SIPA1L2: variants seen among roughly 807,000 people sequenced by gnomAD.
The protein encoded by SIPA1L2 is signal induced proliferation associated 1 like 2.
In SIPA1L2, 56 loss-of-function variants were observed where a neutral mutation model predicts 163.9. That is an observed-to-expected ratio of 0.34 (90% confidence interval 0.28 to 0.43). The LOEUF is 0.43. Ranked by LOEUF, SIPA1L2 falls within the 20% of genes least tolerant of loss-of-function variation. SIPA1L2 has a pLI of 1.00. For missense variants in SIPA1L2, 1,974 were observed against 2,193.5 expected, an observed-to-expected ratio of 0.90 and a Z score of 2.00; for synonymous variants, 877 against 865.7, an observed-to-expected ratio of 1.01 and a Z score of -0.23.
At chr1:232,470,352 G>T (rs1664740455) in intron 8 of SIPA1L2, among the ~76,000 whole-genome samples, 1 of 152,202 alleles carries the variant, frequency 6.6e-6, no homozygotes, top group South Asian at 2.1e-4. Context: ...CTAGGGCTAT[G>T]TTTAATAAGG....
At chr1:232,497,122 A>T (rs1666234767) in intron 3 of SIPA1L2, among the ~76,000 whole-genome samples, 1 of 152,234 alleles carries the variant, frequency 6.6e-6, no homozygotes. Context: ...AGCAGGTGCC[A>T]CAAGGACAGA....
chr1:232,560,665 A>G (rs1236733351), intron 2 of SIPA1L2, among the ~76,000 whole-genome samples: 1 of 151,838 alleles, frequency 6.6e-6, no homozygotes, highest in Admixed American at 6.6e-5. Flanking sequence ...ATGAGCCTCA[A>G]TGGCCAGACC....
intron 15 of SIPA1L2, among the ~76,000 whole-genome samples, chr1:232,437,918 A>G (rs1450590058): frequency 6.6e-6 from 1 of 152,076 alleles, no homozygotes; most frequent in African/African-American, 2.4e-5. Flanking sequence ...GGTCATGTGG[A>G]GTGGGAAGAT....
chr1:232,538,608 A>G (rs1231825189), intron 2 of SIPA1L2, among the ~76,000 whole-genome samples: 1 of 152,216 alleles, frequency 6.6e-6, no homozygotes, highest in Admixed American at 6.5e-5. Context: ...GAGAAGTGGT[A>G]CAGAGAATGC....
intron 1 of SIPA1L2, among the ~76,000 whole-genome samples, chr1:232,611,979 C>A (rs1223170202): frequency 6.6e-6 from 1 of 152,160 alleles, no homozygotes; most frequent in Admixed American, 6.5e-5. Flanking sequence ...GTTCCTGTGC[C>A]GTGTGCAGCT....
At chr1:232,425,984 C>G (rs1661876630) in intron 17 of SIPA1L2, among the ~76,000 whole-genome samples, 176 bp from the exon 18 acceptor site, 1 of 152,124 alleles carries the variant, frequency 6.6e-6, no homozygotes, top group African/African-American at 2.4e-5. Flanking sequence ...TACACCAGGG[C>G]TTGGGTGCAG....
chr1:232,429,642 T>C (rs895931875), intron 16 of SIPA1L2, among the ~76,000 whole-genome samples: 3 of 151,732 alleles, frequency 2.0e-5, no homozygotes, highest in African/African-American at 2.4e-5. Flanking sequence ...TCATAACTTT[T>C]AAAACATTAC....
intron 10 of SIPA1L2, among the ~76,000 whole-genome samples, chr1:232,453,777 G>C (rs903336080): frequency 1.5e-5 from 2 of 133,182 alleles, no homozygotes; most frequent in Non-Finnish European, 3.2e-5. Flanking sequence ...AACCATCCAA[G>C]AACAGTTACT....
At chr1:232,419,317 C>T (rs565496238) in intron 18 of SIPA1L2, among the ~76,000 whole-genome samples, 1 of 152,324 alleles carries the variant, frequency 6.6e-6, no homozygotes, top group East Asian at 1.9e-4. Context: ...AAAACACATA[C>T]ATTTTCTTTT....
intron 2 of SIPA1L2, among the ~76,000 whole-genome samples, chr1:232,540,446 T>C (rs1264943229): frequency 2.6e-5 from 4 of 152,166 alleles, no homozygotes; most frequent in Admixed American, 2.0e-4. Context: ...CAAACCTTCA[T>C]TGGTTTCGAT....
At chr1:232,416,203 C>G (rs1207988295) in intron 18 of SIPA1L2, among the ~76,000 whole-genome samples, 1 of 152,240 alleles carries the variant, frequency 6.6e-6, no homozygotes, top group African/African-American at 2.4e-5. Flanking sequence ...CCCAGTGAGT[C>G]AGTCAGCACA....
chr1:232,426,587 G>C (rs1017361142), intron 17 of SIPA1L2, among the ~76,000 whole-genome samples: 15 of 152,198 alleles, frequency 9.9e-5, no homozygotes, highest in Non-Finnish European at 2.2e-4. Context: ...ATGAACCTGG[G>C]AGGCGGAGCT....
At position 232,480,591 on chromosome 1, in the gene SIPA1L2, T is replaced by C. The variant is rs1049778379; in HGVS notation, c.1982-861A>G. 2.6e-5 allele frequency among the ~76,000 whole-genome samples: 4 copies of C among 152,174 alleles called. No homozygotes were observed. The South Asian group carries it at 6.2e-4, about 24-fold the overall frequency. ...ACCTGCTGACTATAAAATAGTTAAG[T>C]AATTTTGGAGTAAAGTTCTGAATGA... On this transcript the variant is annotated intron_variant, in intron 6 of 22. Coordinates refer to ENST00000674635, the MANE Select transcript of SIPA1L2 (RefSeq NM_020808.5).
intron 17 of SIPA1L2, among the ~76,000 whole-genome samples, chr1:232,427,757 C>A (rs1469908821): frequency 6.6e-6 from 1 of 152,192 alleles, no homozygotes. Context: ...TGCCACTGAA[C>A]TTGGGGTTGG....
chr1:232,613,263 G>T (rs1426326277), intron 1 of SIPA1L2, among the ~76,000 whole-genome samples: 1 of 152,174 alleles, frequency 6.6e-6, no homozygotes, highest in Admixed American at 6.5e-5. Flanking sequence ...ATTTTGAGTA[G>T]GTGGAAAAGT....
At chr1:232,522,493 A>G (rs1454419430) in intron 2 of SIPA1L2, among the ~76,000 whole-genome samples, 1 of 103,300 alleles carries the variant, frequency 9.7e-6, no homozygotes, top group Non-Finnish European at 1.9e-5. Context: ...CCCCCATAGC[A>G]TTGTGCCTTT....
intron 2 of SIPA1L2, among the ~76,000 whole-genome samples, chr1:232,572,624 T>A (rs1659793756): frequency 6.7e-6 from 1 of 150,198 alleles, no homozygotes; most frequent in Non-Finnish European, 1.5e-5. Context: ...CCTCCTCCAG[T>A]GGTATTCTGT....
chr1:232,521,294 G>C (rs767448544), intron 2 of SIPA1L2, among the ~76,000 whole-genome samples: 1 of 152,206 alleles, frequency 6.6e-6, no homozygotes, highest in Non-Finnish European at 1.5e-5. Flanking sequence ...GTGCTATTTG[G>C]AGGAATTTCT....
chr1:232,474,983 C>A (rs183553814), intron 7 of SIPA1L2, among the ~76,000 whole-genome samples: 1 of 152,188 alleles, frequency 6.6e-6, no homozygotes, highest in East Asian at 1.9e-4. Context: ...GCAGGCTGTA[C>A]AACATGAAAG....
Sources: gnomAD v4.1 joint callset for allele counts (sites outside exome capture counted in the v4.1 genomes callset) on GRCh38, gnomAD v4.1.1 for gene constraint, MANE v1.5 for transcripts, NCBI Gene and HGNC (gene_info 2026-07-23, HGNC 2026-07-21) for gene names.